The following GNB1 variants were observed in gnomAD, a reference collection of about 807,000 sequenced individuals.
The protein encoded by GNB1 is guanine nucleotide-binding protein G(I)/G(S)/G(T) subunit beta-1.
A neutral mutation model predicts 42.9 loss-of-function variants in GNB1; 2 were observed. That is an observed-to-expected ratio of 0.05 (90% CI 0.02 to 0.15). The LOEUF (loss-of-function observed/expected upper bound fraction) is 0.15. Ranked by LOEUF, GNB1 falls within the 10% of genes least tolerant of loss-of-function variation. The probability of loss-of-function intolerance (pLI) is 1.00; values close to 1 mark genes in which losing one functional copy is unlikely to be tolerated. For synonymous variants in GNB1, 183 were observed against 174.7 expected (o/e 1.05, Z -0.38); for missense variants, 193 against 462.2 (o/e 0.42, Z 5.34).
At chr1:1,805,791 T>C (rs1261926214) in intron 6 of GNB1, among the ~76,000 whole-genome samples, 1 of 152,078 alleles carries the variant, frequency 6.6e-6, no homozygotes, top group Non-Finnish European at 1.5e-5. Flanking sequence ...ATCCACCTGC[T>C]TCAGCCTCCC....
At chr1:1,826,737 C>T (rs971547549) in intron 2 of GNB1, among the ~76,000 whole-genome samples, 1 of 152,178 alleles carries the variant, frequency 6.6e-6, no homozygotes, top group African/African-American at 2.4e-5. Flanking sequence ...CAGTACAAGC[C>T]GCCCTGCCTT....
rs1646425821 is a variant in GNB1 at position 1,787,764 on chromosome 1, G to A, written c.917-327C>T. Among the ~76,000 whole-genome samples the A allele has an allele frequency of 6.6e-6, 1 of 152,176 alleles. No individual in the cohort carries two copies. On this transcript the variant is annotated intron_variant, in intron 10 of 11. Coordinates refer to ENST00000378609, the MANE Select transcript of GNB1 (RefSeq NM_002074.5). This position sits in a 1 kb window ranked among gnomAD's most constrained non-coding sequence, Gnocchi z 4.4. Reference sequence around the variant, plus strand: ...ATCAAAACTATCATCAGACGCAGTGGCTTAGGCCTGTAATCCCAGCACGTT... The same window carrying A: ...ATCAAAACTATCATCAGACGCAGTGACTTAGGCCTGTAATCCCAGCACGTT...
chr1:1,791,028 C>T (rs893480972), intron 8 of GNB1, among the ~76,000 whole-genome samples: 3 of 152,188 alleles, frequency 2.0e-5, no homozygotes, highest in African/African-American at 7.2e-5. Flanking sequence ...CCCTTGGCCT[C>T]CCCTCCACAG....
In GNB1 at chr1:1,868,579, A is replaced by G. The variant is rs1169327761; in HGVS notation, c.-96+22241T>C. Among the ~76,000 whole-genome samples the G allele has an allele frequency of 3.3e-5, 5 of 152,078 alleles. No individual in the cohort carries two copies. The East Asian group carries it at 7.7e-4, about 24-fold the overall frequency. The stretch of plus-strand genomic sequence containing the variant: ...AGGTGAATCACGAGGTCAGGAGTTC[A>G]AGACCAGCCTAGCCAAGATGGTGAA... On this transcript the variant is annotated intron_variant, in intron 1 of 11. Transcript: ENST00000378609.
intron 7 of GNB1, among the ~76,000 whole-genome samples, chr1:1,803,342 C>G (rs1476140751): frequency 1.3e-5 from 2 of 152,186 alleles, no homozygotes; most frequent in African/African-American, 2.4e-5. Flanking sequence ...TTTCGCCCAG[C>G]CTGGAGTGCA....
At chr1:1,858,915 G>A (rs1015513294) in intron 1 of GNB1, among the ~76,000 whole-genome samples, 10 of 152,138 alleles carry the variant, frequency 6.6e-5, no homozygotes, top group Non-Finnish European at 5.9e-5. Flanking sequence ...GGGGTGGGGT[G>A]GGACGGAGTC....
At chr1:1,854,544 G>C (rs1481303294) in intron 1 of GNB1, among the ~76,000 whole-genome samples, 1 of 152,138 alleles carries the variant, frequency 6.6e-6, no homozygotes. Flanking sequence ...ACAGCAAGAG[G>C]GACTCACTAC....
At chr1:1,796,592 T>TG (rs1646549297) in intron 7 of GNB1, among the ~76,000 whole-genome samples, 1 of 152,094 alleles carries the variant, frequency 6.6e-6, no homozygotes, top group Admixed American at 6.5e-5. Flanking sequence ...TGGGTATGTG[T>TG]GGGGGGACAC....
At chr1:1,882,438 A>G (rs1288433086) in intron 1 of GNB1, among the ~76,000 whole-genome samples, 3 of 151,724 alleles carry the variant, frequency 2.0e-5, no homozygotes, top group South Asian at 2.1e-4. Context: ...AAAAAAAAAA[A>G]AAAAAAAAAA....
At chr1:1,819,519 CCT>C (rs1361124492) in intron 3 of GNB1, among the ~76,000 whole-genome samples, 1 of 151,680 alleles carries the variant, frequency 6.6e-6, no homozygotes, top group Non-Finnish European at 1.5e-5. Context: ...CCCCGCCTGG[CCT>C]CTTTTTTTTT....
rs192721214 is a variant in GNB1 at position 1,806,830 on chromosome 1, C to T, written c.204-292G>A. Among the ~76,000 whole-genome samples the T allele has an allele frequency of 1.4e-4, 22 of 152,232 alleles. No homozygotes were observed. The East Asian group carries it at 2.1e-3, about 15-fold the overall frequency. ...CTCTATTAAAAATACAAAAATTAGCCGGGCATGGTAGTGCGTCTCTGTAAT... is the reference window on the plus strand; with the variant it reads ...CTCTATTAAAAATACAAAAATTAGCTGGGCATGGTAGTGCGTCTCTGTAAT... On this transcript the variant is annotated intron_variant, in intron 5 of 11. Transcript: ENST00000378609.
At chr1:1,806,630 A>T in intron 5 of GNB1, 92 bp from the exon 6 acceptor site, 2 of 755,066 alleles carry the variant, frequency 2.6e-6, no homozygotes, top group Non-Finnish European at 4.5e-6. Context: ...CTGGTGGCTT[A>T]TGTGCTCCCA....
chr1:1,819,250 C>T (rs1294752536), intron 3 of GNB1, among the ~76,000 whole-genome samples: 2 of 150,728 alleles, frequency 1.3e-5, no homozygotes, highest in African/African-American at 2.4e-5. Flanking sequence ...GACAGAGTCT[C>T]GCTCTGTCTT....
intron 1 of GNB1, among the ~76,000 whole-genome samples, chr1:1,845,895 ACTGAAAG>A (rs1647634642): frequency 6.6e-6 from 1 of 151,306 alleles, no homozygotes; most frequent in Admixed American, 6.6e-5. Flanking sequence ...TCTCTTGTCA[ACTGAAAG>A]GTCTGGAAGC....
chr1:1,867,739 G>C (rs1649022200), intron 1 of GNB1, among the ~76,000 whole-genome samples: 1 of 152,112 alleles, frequency 6.6e-6, no homozygotes. Context: ...ATCTTTTGCT[G>C]TAGATATGTT....
rs115505656 is a variant in GNB1, at chr1:1,821,518, T to C, written c.58-3643A>G. ...TGCTCTGCATTCTTTAACAAGCACGTATTCCTTGGGCAATCAGGAAAAAAT... is the reference window on the plus strand; with the variant it reads ...TGCTCTGCATTCTTTAACAAGCACGCATTCCTTGGGCAATCAGGAAAAAAT... On this transcript the variant is annotated intron_variant, in intron 3 of 11. Coordinates refer to ENST00000378609, the MANE Select transcript of GNB1 (RefSeq NM_002074.5). Among the ~76,000 whole-genome samples the C allele has an allele frequency of 8.3e-3, 1,260 of 152,354 alleles. 20 individuals are homozygous for C. The highest frequency in any genetic ancestry group is 0.029 in the African/African-American group (1,210 of 41,566).
At chr1:1,828,585 T>C (rs114248951) in intron 2 of GNB1, among the ~76,000 whole-genome samples, 129 of 152,234 alleles carry the variant, frequency 8.5e-4, no homozygotes, top group African/African-American at 3.0e-3. Flanking sequence ...TCAGAAGTAG[T>C]AATGCCAAAA....
intron 1 of GNB1, among the ~76,000 whole-genome samples, chr1:1,848,649 T>C (rs1453968177): frequency 6.6e-6 from 1 of 152,124 alleles, no homozygotes; most frequent in Non-Finnish European, 1.5e-5. Context: ...CAAAAATATA[T>C]AATATATAAA....
At chr1:1,884,761 C>T (rs570687442) in intron 1 of GNB1, among the ~76,000 whole-genome samples, 1 of 151,852 alleles carries the variant, frequency 6.6e-6, no homozygotes, top group Non-Finnish European at 1.5e-5. Context: ...CCACTCACTG[C>T]GAGGTCTGCC....
Sources: allele counts gnomAD v4.1 joint callset (sites outside exome capture counted in the v4.1 genomes callset), GRCh38; gene constraint gnomAD v4.1.1; non-coding constraint Gnocchi (gnomAD v3.1); transcripts MANE v1.5; gene names NCBI Gene and HGNC (gene_info 2026-07-23, HGNC 2026-07-21).